Variants in BNC2 observed in about 807,000 individuals in gnomAD.
The protein encoded by BNC2 is zinc finger protein basonuclin-2.
A neutral mutation model predicts 76.3 loss-of-function variants in BNC2; 20 were observed. The ratio of observed to expected loss-of-function variants is 0.26; its 90% CI spans 0.18 to 0.38. The LOEUF is 0.38. Among genes scored for constraint, BNC2 ranks in the 10% least tolerant of loss-of-function variants. BNC2 has a pLI of 1.00. For missense variants in BNC2, 1,382 were observed against 1,399.8 expected (o/e 0.99, Z 0.20); for synonymous variants, 582 against 514.8 (o/e 1.13, Z -1.77).
chr9:16,495,007 C>T (rs1004979974), intron 5 of BNC2, among the ~76,000 whole-genome samples: 3 of 152,160 alleles, frequency 2.0e-5, no homozygotes, highest in African/African-American at 7.2e-5. Flanking sequence ...TTTGGATGTT[C>T]TTTCAACCCA....
chr9:16,435,510 G>C, intron 6 of BNC2, 45 bp downstream of exon 6: 1 of 1,607,102 alleles, frequency 6.2e-7, no homozygotes, highest in African/African-American at 1.3e-5. Context: ...CTGAAAACTG[G>C]CACCCTCCAC....
At chr9:16,656,402 G>T (rs754414675) in intron 3 of BNC2, among the ~76,000 whole-genome samples, 2 of 152,190 alleles carry the variant, frequency 1.3e-5, no homozygotes, top group Non-Finnish European at 2.9e-5. Context: ...TTCGGGGGTG[G>T]GGAGAGACAG....
chr9:16,715,361 T>C (rs1049763738), intron 3 of BNC2, among the ~76,000 whole-genome samples: 4 of 152,216 alleles, frequency 2.6e-5, no homozygotes, highest in Admixed American at 2.6e-4. Context: ...TAAACTTTTT[T>C]TCTAATCACA....
At chr9:16,515,731 A>AAT (rs1337617036) in intron 5 of BNC2, among the ~76,000 whole-genome samples, 80 of 150,754 alleles carry the variant, frequency 5.3e-4, no homozygotes, top group African/African-American at 2.0e-3. Flanking sequence ...AAAAAAAAAA[A>AAT]TTTAAAAAAA....
chr9:16,857,437 A>T (rs1819287074), intron 1 of BNC2, among the ~76,000 whole-genome samples: 2 of 142,064 alleles, frequency 1.4e-5, no homozygotes, highest in Admixed American at 7.6e-5. Context: ...ACATTGTGCC[A>T]CTGCACACCA....
intron 3 of BNC2, among the ~76,000 whole-genome samples, chr9:16,686,762 T>C (rs1297279164): frequency 1.3e-5 from 2 of 152,226 alleles, no homozygotes; most frequent in African/African-American, 4.8e-5. Flanking sequence ...ACGTTCAGTA[T>C]ACTCCACTTT....
intron 3 of BNC2, among the ~76,000 whole-genome samples, chr9:16,629,386 G>C (rs1257665151): frequency 1.3e-5 from 2 of 152,196 alleles, no homozygotes; most frequent in Non-Finnish European, 2.9e-5. Flanking sequence ...ACATTAATTA[G>C]AGAAGATCTT....
intron 3 of BNC2, among the ~76,000 whole-genome samples, chr9:16,664,436 C>T (rs1822205513): frequency 6.6e-6 from 1 of 152,150 alleles, no homozygotes; most frequent in South Asian, 2.1e-4. Flanking sequence ...TTGCATCCAA[C>T]CATGGTCTTG....
intron 5 of BNC2, among the ~76,000 whole-genome samples, chr9:16,544,945 CT>C (rs1818434759): frequency 6.6e-6 from 1 of 151,858 alleles, no homozygotes; most frequent in Admixed American, 6.6e-5. Flanking sequence ...TTAAAATATT[CT>C]TTGATTTAAC....
At chr9:16,850,157 C>T (rs1488203658) in intron 1 of BNC2, among the ~76,000 whole-genome samples, 1 of 152,134 alleles carries the variant, frequency 6.6e-6, no homozygotes, top group Admixed American at 6.5e-5. Flanking sequence ...TTCTTGATAT[C>T]CTTTGCCTTT....
intron 1 of BNC2, chr9:16,775,579 C>G (rs1825943356): frequency 1.2e-5 from 2 of 164,554 alleles, no homozygotes; most frequent in African/African-American, 4.8e-5. Context: ...GGACTTAATA[C>G]TCATCAAGAG....
chr9:16,699,182 C>G (rs1823435109), intron 3 of BNC2: 1 of 470,748 alleles, frequency 2.1e-6, no homozygotes, highest in Non-Finnish European at 4.4e-6. Flanking sequence ...TAAGGCTTAC[C>G]AGTAACCTGC....
intron 3 of BNC2, among the ~76,000 whole-genome samples, chr9:16,649,162 C>A (rs1365089550): frequency 6.6e-6 from 1 of 152,178 alleles, no homozygotes; most frequent in East Asian, 1.9e-4. Flanking sequence ...CTGACTAACA[C>A]AGAATTTCCA....
intron 1 of BNC2, among the ~76,000 whole-genome samples, chr9:16,840,320 T>C (rs989505881): frequency 3.9e-5 from 6 of 152,206 alleles, no homozygotes; most frequent in African/African-American, 1.4e-4. Flanking sequence ...CTCTCCCTTT[T>C]GCTTTTACAG....
intron 3 of BNC2, among the ~76,000 whole-genome samples, chr9:16,594,684 T>C (rs1415473): frequency 0.17 from 26,044 of 151,990 alleles, 4,052 homozygotes; most frequent in African/African-American, 0.41. Flanking sequence ...TTGCATAACA[T>C]TTCAAATACA....
rs548724712 is a variant in BNC2 at position 16,835,659 on chromosome 9, G to A, written c.3+34987C>T. Among the ~76,000 whole-genome samples the A allele has an allele frequency of 2.3e-3, 357 of 152,272 alleles. 3 individuals are homozygous for A. Among genetic ancestry groups the A allele is most frequent in the African/African-American group, 8.3e-3 (343 of 41,546 alleles). ...GGAGGTTGCAGTGAGCAGAGATAGC[G>A]CCACTGCACTCCAGCCTGGGCAACA... On this transcript the variant is annotated intron_variant, in intron 1 of 6. Transcript: ENST00000380672.
At chr9:16,541,876 G>C (rs761165788) in intron 5 of BNC2, among the ~76,000 whole-genome samples, 1 of 151,520 alleles carries the variant, frequency 6.6e-6, no homozygotes, top group Non-Finnish European at 1.5e-5. Flanking sequence ...TCCTACTAAG[G>C]AATCTGAAAA....
At chr9:16,654,494 A>T (rs1167995290) in intron 3 of BNC2, among the ~76,000 whole-genome samples, 1 of 152,230 alleles carries the variant, frequency 6.6e-6, no homozygotes, top group African/African-American at 2.4e-5. Context: ...AAACAGACCA[A>T]AACATAACAA....
chr9:16,776,804 G>T (rs1485567318), intron 1 of BNC2, among the ~76,000 whole-genome samples: 1 of 152,134 alleles, frequency 6.6e-6, no homozygotes, highest in Non-Finnish European at 1.5e-5. Context: ...TGAAAGAAAC[G>T]AATATGAAGG....
Sources: gnomAD v4.1 joint callset for allele counts (sites outside exome capture counted in the v4.1 genomes callset) on GRCh38, gnomAD v4.1.1 for gene constraint, MANE v1.5 for transcripts, NCBI Gene and HGNC (gene_info 2026-07-23, HGNC 2026-07-21) for gene names.